Variants in PIAS2 observed in about 807,000 individuals in gnomAD.
PIAS2 encodes the protein protein inhibitor of activated STAT 2.
A neutral mutation model predicts 69.7 loss-of-function variants in PIAS2; 19 were observed. The ratio of observed to expected loss-of-function variants is 0.27; its 90% confidence interval spans 0.19 to 0.40. PIAS2 has a LOEUF of 0.40. Ranked by LOEUF, PIAS2 falls within the 10% of genes least tolerant of loss-of-function variation. The pLI is 1.00. For synonymous variants in PIAS2, 261 were observed against 263.2 expected (o/e 0.99, Z 0.08); for missense variants, 624 against 757.0 (o/e 0.82, Z 2.06).
intron 2 of PIAS2, among the ~76,000 whole-genome samples, chr18:46,866,064 T>C (rs1438745391): frequency 6.6e-6 from 1 of 152,206 alleles, no homozygotes; most frequent in Non-Finnish European, 1.5e-5. Context: ...GCATCCAGTC[T>C]CTTCAGCCAG....
At chr18:46,861,012 G>C (rs1268268656) in intron 3 of PIAS2, among the ~76,000 whole-genome samples, 1 of 151,756 alleles carries the variant, frequency 6.6e-6, no homozygotes, top group East Asian at 1.9e-4. Context: ...GGGTGTGGTG[G>C]CTCACACCTG....
chr18:46,817,158 T>C, intron 12 of PIAS2: 1 of 961,594 alleles, frequency 1.0e-6, no homozygotes, highest in South Asian at 4.8e-5. Flanking sequence ...TCTACCTTTT[T>C]ATAGTTTTTC....
rs1432984192 is a variant in PIAS2, at chr18:46,815,814, C to T, written c.1649-465G>A. On this transcript the variant is annotated intron_variant, in intron 12 of 13. Transcript: ENST00000585916. ...TATTTCAATGACAGCTCTCTGTCCC[C>T]GCTGTCCCCACATCAAGAGCAGTAC... 1.4e-5 allele frequency: 14 copies of T among 993,624 alleles called. No homozygotes were observed. The South Asian group carries it at 5.0e-4, about 36-fold the overall frequency. 61.6% of individuals were successfully genotyped at this position (993,624 alleles called of 1,614,324 possible).
At chr18:46,885,798 C>T (rs760848915) in intron 2 of PIAS2, among the ~76,000 whole-genome samples, 6 of 152,098 alleles carry the variant, frequency 3.9e-5, no homozygotes, top group African/African-American at 4.8e-5. Flanking sequence ...ACTGAAGCTA[C>T]GACCAAAATG....
intron 12 of PIAS2, among the ~76,000 whole-genome samples, chr18:46,819,724 C>T (rs989375861): frequency 6.6e-6 from 1 of 152,048 alleles, no homozygotes; most frequent in Non-Finnish European, 1.5e-5. Flanking sequence ...TTGTATTCCA[C>T]TAAAAGGGCC....
At chr18:46,871,307 C>G in intron 2 of PIAS2, among the ~76,000 whole-genome samples, 1 of 152,210 alleles carries the variant, frequency 6.6e-6, no homozygotes. Context: ...CCCACTGATA[C>G]TACTCTCCAT....
chr18:46,902,130 G>C (rs1188336057), intron 1 of PIAS2, among the ~76,000 whole-genome samples: 1 of 147,750 alleles, frequency 6.8e-6, no homozygotes, highest in Non-Finnish European at 1.5e-5. Flanking sequence ...ATGAACATGT[G>C]AAAACAAGTT....
chr18:46,852,754 G>T (rs889840164), intron 5 of PIAS2: 1 of 152,192 alleles, frequency 6.6e-6, no homozygotes. Flanking sequence ...GGAAATTCTG[G>T]TAACGTCTAT....
chr18:46,814,562 C>G (rs1281303644), intron 13 of PIAS2, among the ~76,000 whole-genome samples: 1 of 152,196 alleles, frequency 6.6e-6, no homozygotes, highest in Non-Finnish European at 1.5e-5. Context: ...ATACAGAGTA[C>G]TGAAACAGGA....
chr18:46,842,942 A>T (rs1272470403), intron 8 of PIAS2, among the ~76,000 whole-genome samples: 1 of 152,256 alleles, frequency 6.6e-6, no homozygotes, highest in Non-Finnish European at 1.5e-5. Flanking sequence ...AATGAAGATT[A>T]AAAGAGTGAC....
At chr18:46,910,330 A>C (rs2057118225) in intron 1 of PIAS2, among the ~76,000 whole-genome samples, 2 of 152,194 alleles carry the variant, frequency 1.3e-5, no homozygotes, top group South Asian at 4.1e-4. Flanking sequence ...AGTTACACTA[A>C]TGAATTAGTA....
chr18:46,909,398 C>A (rs2057003673), intron 1 of PIAS2, among the ~76,000 whole-genome samples: 1 of 152,084 alleles, frequency 6.6e-6, no homozygotes, highest in Non-Finnish European at 1.5e-5. Context: ...AGGTGTGGGC[C>A]ACTATGCCCA....
chr18:46,914,972 T>G lies in PIAS2; in HGVS notation c.24+2350A>C, dbSNP rs551873929. 41 of 152,314 alleles carry G rather than the reference T, an allele frequency of 2.7e-4. 1 individual carries two copies. Among genetic ancestry groups the G allele is most frequent in the Admixed American group, 1.1e-3 (17 of 15,306 alleles). The allele number at this position is 152,314 out of a possible 1,614,324, so 9.4% of individuals were successfully genotyped here. On this transcript the variant is annotated intron_variant, in intron 1 of 13. Coordinates refer to ENST00000585916, the MANE Select transcript of PIAS2 (RefSeq NM_004671.5). Reference sequence around the variant, plus strand: ...TTTCTTTCTATTCCGTTTTTTAGTCTGTTTTTCTTCCTTTATTATAATGTC... The same window carrying G: ...TTTCTTTCTATTCCGTTTTTTAGTCGGTTTTTCTTCCTTTATTATAATGTC...
chr18:46,904,254 C>G (rs1265492064), intron 1 of PIAS2: 1 of 151,884 alleles, frequency 6.6e-6, no homozygotes, highest in Non-Finnish European at 1.5e-5. Context: ...GTATTATTTC[C>G]TAGAAATGCA....
chr18:46,867,701 T>C (rs1678471485), intron 2 of PIAS2, among the ~76,000 whole-genome samples: 2 of 152,208 alleles, frequency 1.3e-5, no homozygotes, highest in South Asian at 4.1e-4. Context: ...ATTTTCCAAA[T>C]ATAACCACAT....
intron 1 of PIAS2, among the ~76,000 whole-genome samples, chr18:46,906,542 A>G (rs2056618732): frequency 6.6e-6 from 1 of 152,196 alleles, no homozygotes; most frequent in Non-Finnish European, 1.5e-5. Context: ...GTTAATATTT[A>G]TGATTTGCTA....
intron 9 of PIAS2, among the ~76,000 whole-genome samples, chr18:46,832,189 G>A (rs2043719546): frequency 6.6e-6 from 1 of 152,050 alleles, no homozygotes; most frequent in Admixed American, 6.6e-5. Context: ...TGCTGAGGCG[G>A]GTGGATCACG....
rs923692242 is a variant in PIAS2, at chr18:46,811,897, A to G, written c.*536T>C. 4.6e-5 allele frequency: 7 copies of G among 152,204 alleles called. No homozygotes were observed. The highest frequency in any genetic ancestry group is 1.7e-4 in the African/African-American group (7 of 41,446). The allele number at this position is 152,204 out of a possible 1,614,324, so 9.4% of individuals were successfully genotyped here. A position where few individuals can be genotyped will look rare whatever the true frequency, so the allele number is the denominator to read the frequency against. ...AATGCAGGACGAAAAGTGGAATCCA[A>G]GCTTTGGCCACGTACTGAAACTTCA... is the stretch of plus-strand genomic sequence containing the variant. On this transcript the variant is annotated 3_prime_UTR_variant, in exon 14 of 14. Coordinates refer to ENST00000585916, the MANE Select transcript of PIAS2 (RefSeq NM_004671.5).
chr18:46,845,411 G>A (rs1244936964), intron 6 of PIAS2, among the ~76,000 whole-genome samples: 3 of 152,084 alleles, frequency 2.0e-5, no homozygotes, highest in Admixed American at 6.5e-5. Flanking sequence ...TTTCTTCTGA[G>A]GAAAGCTTTG....
Sources: allele counts gnomAD v4.1 joint callset (sites outside exome capture counted in the v4.1 genomes callset), GRCh38; gene constraint gnomAD v4.1.1; transcripts MANE v1.5; gene names NCBI Gene and HGNC (gene_info 2026-07-23, HGNC 2026-07-21).